HBS1L: variants seen among roughly 807,000 people sequenced by gnomAD.
The protein encoded by HBS1L is HBS1 like translational GTPase, also known as HBS1-like protein.
HBS1L carries 55 observed loss-of-function variants against 88.9 expected under a neutral mutation model. The ratio of observed to expected loss-of-function variants is 0.62; its 90% CI spans 0.50 to 0.77. The LOEUF is 0.77. HBS1L is among the 30% of genes least tolerant of loss of function. The probability of loss-of-function intolerance (pLI) is 0.00; values close to 1 mark genes in which losing one functional copy is unlikely to be tolerated. For synonymous variants in HBS1L, 267 were observed against 288.5 expected, an observed-to-expected ratio of 0.93 and a Z score of 0.76; for missense variants, 741 against 829.3, an observed-to-expected ratio of 0.89 and a Z score of 1.31.
intron 8 of HBS1L, 34 bp from the exon 9 acceptor site, chr6:134,987,825 T>A: frequency 3.9e-6 from 6 of 1,532,364 alleles, no homozygotes; most frequent in Non-Finnish European, 5.3e-6. Flanking sequence ...CCAGAAATAA[T>A]GTTTCAGCAT....
intron 13 of HBS1L, among the ~76,000 whole-genome samples, chr6:134,980,406 G>A (rs939089576): frequency 2.0e-5 from 3 of 151,862 alleles, no homozygotes; most frequent in African/African-American, 7.3e-5. Flanking sequence ...AGCAATTATC[G>A]TATTAAGGAA....
intron 5 of HBS1L, among the ~76,000 whole-genome samples, chr6:135,001,195 G>A (rs1037662785): frequency 1.3e-5 from 2 of 152,048 alleles, no homozygotes; most frequent in Non-Finnish European, 2.9e-5. Context: ...TCTGTAAAAG[G>A]AATACAGTGA....
At chr6:135,016,342 T>C (rs1273742316) in intron 4 of HBS1L, among the ~76,000 whole-genome samples, 1 of 152,256 alleles carries the variant, frequency 6.6e-6, no homozygotes, top group Non-Finnish European at 1.5e-5. Flanking sequence ...AATGTCCTAA[T>C]ATACATAGTT....
In HBS1L at chr6:134,997,494, C is replaced by G. The variant is rs147348866; in HGVS notation, c.702G>C (p.Pro234=). The G allele has an allele frequency of 6.2e-5, 100 of 1,613,892 alleles. No individual in the cohort carries two copies. Among genetic ancestry groups the G allele is most frequent in the Non-Finnish European group, 8.1e-5 (95 of 1,179,982 alleles). The change falls in exon 6 of 18, where the codon CCG becomes CCC. Residue 234 remains proline, a synonymous_variant. Transcript: ENST00000367837. ...GCCTCAGCTTGCCAGACTTTTTCAC[C>G]GGTGCTGGGGTTGAACTCTGCTCTT... ...ASEEQSSTPA[P]VKKSGKLRQQ...
At chr6:135,024,945 T>C (rs1023494358) in intron 4 of HBS1L, among the ~76,000 whole-genome samples, 14 of 152,158 alleles carry the variant, frequency 9.2e-5, no homozygotes, top group African/African-American at 3.1e-4. Context: ...GACATGATAC[T>C]GGAACCATTA....
At chr6:135,031,097 G>A (rs1258788691) in intron 4 of HBS1L, among the ~76,000 whole-genome samples, 1 of 152,052 alleles carries the variant, frequency 6.6e-6, no homozygotes, top group South Asian at 2.1e-4. Flanking sequence ...TAAGTGTAGT[G>A]CTTAGTATTC....
intron 15 of HBS1L, among the ~76,000 whole-genome samples, chr6:134,971,010 A>C (rs1774466477): frequency 6.6e-6 from 1 of 152,140 alleles, no homozygotes; most frequent in Non-Finnish European, 1.5e-5. Context: ...TTTCCTAGCC[A>C]AAATAGTTTG....
intron 15 of HBS1L, among the ~76,000 whole-genome samples, chr6:134,974,423 C>A (rs149354942): frequency 2.6e-5 from 4 of 152,176 alleles, no homozygotes; most frequent in East Asian, 1.9e-4. Context: ...AGTATCATCA[C>A]CCTGATAACA....
chr6:135,033,845 A>G (rs1206989007), intron 4 of HBS1L, among the ~76,000 whole-genome samples: 3 of 152,208 alleles, frequency 2.0e-5, no homozygotes, highest in Admixed American at 6.5e-5. Context: ...CACCTAACCT[A>G]TCAGTAATTA....
chr6:134,984,500 G>A (rs1427789924), intron 12 of HBS1L, among the ~76,000 whole-genome samples: 2 of 152,136 alleles, frequency 1.3e-5, no homozygotes, highest in East Asian at 1.9e-4. Context: ...GGGCATGTGC[G>A]CAGGTAAGCA....
intron 3 of HBS1L, among the ~76,000 whole-genome samples, chr6:135,040,891 G>C (rs1776714238): frequency 6.6e-6 from 1 of 151,972 alleles, no homozygotes; most frequent in Non-Finnish European, 1.5e-5. Flanking sequence ...TATAGCACTT[G>C]ACAATTTTCA....
At chr6:135,036,919 G>A (rs1343973874) in intron 4 of HBS1L, 6 of 1,551,586 alleles carry the variant, frequency 3.9e-6, no homozygotes, top group Non-Finnish European at 5.2e-6. Context: ...TCGTGATGAT[G>A]GAGCAATGGA....
intron 4 of HBS1L, chr6:135,036,524 G>A (rs2114893658): frequency 1.4e-6 from 2 of 1,420,354 alleles, no homozygotes; most frequent in Non-Finnish European, 1.8e-6. Flanking sequence ...AAAATAAAAA[G>A]CTCTACAACA....
At chr6:134,999,871 C>A (rs753043436) in intron 5 of HBS1L, among the ~76,000 whole-genome samples, 5 of 152,020 alleles carry the variant, frequency 3.3e-5, no homozygotes, top group Non-Finnish European at 5.9e-5. Flanking sequence ...AAAAAAACTT[C>A]TGCATATTAT....
At chr6:135,009,331 G>A (rs181948494) in intron 4 of HBS1L, among the ~76,000 whole-genome samples, 34 of 152,300 alleles carry the variant, frequency 2.2e-4, no homozygotes, top group East Asian at 7.7e-4. Context: ...GAGCTGAGCT[G>A]TAGAGGCAAT....
At chr6:134,987,817 A>ATAT (rs763588268) in intron 8 of HBS1L, 26 bp from the exon 9 acceptor site, 1 of 1,548,390 alleles carries the variant, frequency 6.5e-7, no homozygotes, top group South Asian at 1.2e-5. Flanking sequence ...AATCGAAGCC[A>ATAT]GAAATAATGT....
chr6:134,997,665 G>C lies in HBS1L; in HGVS notation c.540-9C>G. 1.2e-6 allele frequency: 2 copies of C among 1,612,984 alleles called. No homozygotes were observed. The highest frequency in any genetic ancestry group is 1.7e-6 in the Non-Finnish European group (2 of 1,179,202). ...TTTCTTCAGAAGATACTCTACAGAA[G>C]GCAGATAGGAAAAAAGTATTTGAAA... On this transcript the variant is annotated splice_polypyrimidine_tract_variant and intron_variant, in intron 5 of 17. Coordinates refer to ENST00000367837, the MANE Select transcript of HBS1L (RefSeq NM_006620.4).
Position 134,962,830 on chromosome 6 carries a change from C to A in HBS1L, c.*2449G>T, listed in dbSNP as rs940692888. On this transcript the variant is annotated 3_prime_UTR_variant, in exon 18 of 18. Coordinates refer to ENST00000367837, the MANE Select transcript of HBS1L (RefSeq NM_006620.4). ...AACAGGGTAGGAAATCAGAGCATAA[C>A]CAAGCTTGGGCATGTCTGCTTTACC... The A allele has an allele frequency of 6.6e-6, 1 of 152,152 alleles. No individual in the cohort carries two copies. The highest frequency in any genetic ancestry group is 2.4e-5 in the African/African-American group (1 of 41,448). 9.4% of individuals were successfully genotyped at this position (152,152 alleles called of 1,614,324 possible).
rs762495318 is a variant in HBS1L at position 134,997,373 on chromosome 6, A to C, written c.799+24T>G. 2.5e-6 allele frequency: 4 copies of C among 1,613,100 alleles called. No homozygotes were observed. The South Asian group carries it at 4.4e-5, about 18-fold the overall frequency. ...CAGGCTAAGGCATGGCTGGCTGACG[A>C]TCCAGAGGGACAAAGAGCATTACCA... is the stretch of plus-strand genomic sequence containing the variant. On this transcript the variant is annotated intron_variant, in intron 6 of 17. Transcript: ENST00000367837.
Sources: allele counts gnomAD v4.1 joint callset (sites outside exome capture counted in the v4.1 genomes callset), GRCh38; gene constraint gnomAD v4.1.1; transcripts MANE v1.5; gene names NCBI Gene and HGNC (gene_info 2026-07-23, HGNC 2026-07-21).